Variants in SCAI observed in about 807,000 individuals in gnomAD.
SCAI encodes protein SCAI.
In SCAI, 24 loss-of-function variants were observed where a neutral mutation model predicts 92.2. The observed-to-expected ratio is 0.26, with a 90% confidence interval of 0.19 to 0.37. SCAI has a LOEUF of 0.37. SCAI is among the 10% of genes least tolerant of loss of function. The probability of loss-of-function intolerance (pLI) is 1.00; values close to 1 mark genes in which losing one functional copy is unlikely to be tolerated. For missense variants in SCAI, 450 were observed against 736.2 expected, an observed-to-expected ratio of 0.61 and a Z score of 4.50; for synonymous variants, 261 against 258.6, an observed-to-expected ratio of 1.01 and a Z score of -0.09.
chr9:125,005,709 T>C (rs1179558327), intron 9 of SCAI, among the ~76,000 whole-genome samples: 1 of 152,120 alleles, frequency 6.6e-6, no homozygotes, highest in East Asian at 1.9e-4. Flanking sequence ...GTAGTAAGGG[T>C]AGCATGGGCC....
chr9:125,142,453 C>A, intron 2 of SCAI, 180 bp downstream of exon 2: 1 of 474,620 alleles, frequency 2.1e-6, no homozygotes, highest in East Asian at 3.5e-5. Context: ...AAAAAAAAAT[C>A]GACTGTAGAG....
chr9:124,999,191 A>G (rs918727369), intron 13 of SCAI, among the ~76,000 whole-genome samples: 1 of 152,150 alleles, frequency 6.6e-6, no homozygotes, highest in East Asian at 1.9e-4. Context: ...GTTCAAGACC[A>G]GCCTGACAAA....
Position 125,094,952 on chromosome 9 carries a change from T to A in SCAI, c.99-38945A>T, listed in dbSNP as rs116030136. On this transcript the variant is annotated intron_variant, in intron 2 of 17. Coordinates refer to ENST00000336505, the MANE Select transcript of SCAI (RefSeq NM_001144877.3). ...AATAAAAGAAACTTTAAATTATAAA[T>A]TTTTAAGTTATAAAATAGATACATA... Among the ~76,000 whole-genome samples, 289 of 152,328 alleles carry A rather than the reference T, an allele frequency of 1.9e-3. 2 individuals are homozygous for A. Among genetic ancestry groups the A allele is most frequent in the African/African-American group, 6.5e-3 (271 of 41,582 alleles).
At chr9:125,060,001 A>T (rs933925005) in intron 2 of SCAI, among the ~76,000 whole-genome samples, 5 of 152,202 alleles carry the variant, frequency 3.3e-5, no homozygotes, top group African/African-American at 4.8e-5. Context: ...ACTTTCCTTG[A>T]AAATCTAAAT....
intron 2 of SCAI, among the ~76,000 whole-genome samples, chr9:125,133,394 CA>C (rs538478858): frequency 3.4e-5 from 5 of 145,518 alleles, no homozygotes; most frequent in South Asian, 2.2e-4. Context: ...GTCTCAAAAA[CA>C]AAAAAAAAAG....
intron 2 of SCAI, among the ~76,000 whole-genome samples, chr9:125,071,990 A>C (rs987414642): frequency 2.0e-5 from 3 of 152,152 alleles, no homozygotes; most frequent in South Asian, 2.1e-4. Flanking sequence ...CCAGAAGGGA[A>C]AACTAAAGAG....
intron 2 of SCAI, among the ~76,000 whole-genome samples, chr9:125,133,215 C>T (rs549254343): frequency 2.0e-5 from 3 of 152,096 alleles, no homozygotes; most frequent in African/African-American, 7.2e-5. Flanking sequence ...CATGGCGAAA[C>T]CCCAGCTCTA....
chr9:124,957,526 C>T (rs1445531266), intron 17 of SCAI, among the ~76,000 whole-genome samples: 2 of 91,030 alleles, frequency 2.2e-5, no homozygotes, highest in African/African-American at 1.0e-4. Context: ...CCACACCCGG[C>T]TAATTTTTTT....
chr9:125,018,401 T>C (rs1832805016), intron 9 of SCAI, among the ~76,000 whole-genome samples: 1 of 152,154 alleles, frequency 6.6e-6, no homozygotes, highest in Non-Finnish European at 1.5e-5. Context: ...AGGTCAGAAA[T>C]TTTGGAAACT....
intron 2 of SCAI, among the ~76,000 whole-genome samples, chr9:125,136,668 C>A (rs1295798306): frequency 6.6e-6 from 1 of 151,728 alleles, no homozygotes; most frequent in Admixed American, 6.6e-5. Context: ...GCTACATTGG[C>A]CAGACTGGTC....
chr9:125,123,623 A>C (rs1427963902), intron 2 of SCAI, among the ~76,000 whole-genome samples: 5 of 152,054 alleles, frequency 3.3e-5, no homozygotes, highest in African/African-American at 1.2e-4. Flanking sequence ...AAAATACAAA[A>C]AATTAGCCGG....
intron 16 of SCAI, 33 bp from the exon 17 acceptor site, chr9:124,971,503 TG>T: frequency 1.3e-6 from 2 of 1,528,382 alleles, no homozygotes; most frequent in Non-Finnish European, 1.8e-6. Flanking sequence ...AGTAAAAAGA[TG>T]CTTAAATGGA....
At chr9:124,979,905 C>T (rs1421993752) in intron 14 of SCAI, among the ~76,000 whole-genome samples, 2 of 151,960 alleles carry the variant, frequency 1.3e-5, no homozygotes, top group Non-Finnish European at 2.9e-5. Context: ...AAAAAATTAG[C>T]CGGGCATGGT....
intron 5 of SCAI, among the ~76,000 whole-genome samples, chr9:125,027,460 G>A (rs1297829152): frequency 6.6e-6 from 1 of 152,148 alleles, no homozygotes; most frequent in Non-Finnish European, 1.5e-5. Context: ...ATTTGGAGCG[G>A]TATGCCAAAA....
At chr9:125,039,385 C>CA (rs58716034) in intron 3 of SCAI, among the ~76,000 whole-genome samples, 2,292 of 47,578 alleles carry the variant, frequency 0.048, 34 homozygotes, top group Non-Finnish European at 0.058. Context: ...GACTCCATCT[C>CA]AAAAAAAAAA....
Position 125,064,044 on chromosome 9 carries a change from C to T in SCAI, c.99-8037G>A, listed in dbSNP as rs182822658. On this transcript the variant is annotated intron_variant, in intron 2 of 17. Coordinates refer to ENST00000336505, the MANE Select transcript of SCAI (RefSeq NM_001144877.3). ...CTGGGATTACAGGCGTGAGCCACCG[C>T]GCCCAGCCAATTCAATATATTTCTA... 2.2e-3 allele frequency among the ~76,000 whole-genome samples: 338 copies of T among 152,216 alleles called. 3 individuals are homozygous for T. Among genetic ancestry groups the T allele is most frequent in the African/African-American group, 7.8e-3 (323 of 41,546 alleles).
chr9:125,104,783 G>C lies in SCAI; in HGVS notation c.98+37850C>G, dbSNP rs866477880. Among the ~76,000 whole-genome samples the C allele has an allele frequency of 4.0e-5, 6 of 151,658 alleles. No homozygotes were observed. In the South Asian group the frequency reaches 6.3e-4, roughly 16 times the overall value. The stretch of plus-strand genomic sequence containing the variant: ...AAAAACAAACAAACAAACTACACTG[G>C]TAATGTACTACTAAAAATACAAAAA... On this transcript the variant is annotated intron_variant, in intron 2 of 17. Coordinates refer to ENST00000336505, the MANE Select transcript of SCAI (RefSeq NM_001144877.3).
rs1482952894 is a variant in SCAI, at chr9:124,947,328, T to C, written c.*5479A>G. 1 of 152,194 alleles carries C rather than the reference T, an allele frequency of 6.6e-6. No individual in the cohort carries two copies. Among genetic ancestry groups the C allele is most frequent in the Non-Finnish European group, 1.5e-5 (1 of 68,028 alleles). 9.4% of individuals were successfully genotyped at this position (152,194 alleles called of 1,614,324 possible). A position where few individuals can be genotyped will look rare whatever the true frequency, so the allele number is the denominator to read the frequency against. ...TCTCAGTTTCACATACTTAGGTTTTTCAGGTTATATCACTAATTTATCATC... is the reference window on the plus strand; with the variant it reads ...TCTCAGTTTCACATACTTAGGTTTTCCAGGTTATATCACTAATTTATCATC... On this transcript the variant is annotated 3_prime_UTR_variant, in exon 18 of 18. Coordinates refer to ENST00000336505, the MANE Select transcript of SCAI (RefSeq NM_001144877.3).
At chr9:125,131,407 CAAA>C (rs200932061) in intron 2 of SCAI, among the ~76,000 whole-genome samples, 3 of 63,310 alleles carry the variant, frequency 4.7e-5, no homozygotes, top group African/African-American at 5.7e-5. Context: ...GACTCCGTCT[CAAA>C]AAAAAAAAAA....
Sources: allele counts gnomAD v4.1 joint callset (sites outside exome capture counted in the v4.1 genomes callset), GRCh38; gene constraint gnomAD v4.1.1; transcripts MANE v1.5; gene names NCBI Gene and HGNC (gene_info 2026-07-23, HGNC 2026-07-21).